LAMC1: variants seen among roughly 807,000 people sequenced by gnomAD.
LAMC1 encodes laminin subunit gamma-1.
Under a neutral mutation model 173.6 loss-of-function variants are expected in LAMC1, and 38 were observed. The observed-to-expected ratio is 0.22, with a 90% CI of 0.17 to 0.29. The LOEUF is 0.29. LAMC1 is among the 10% of genes least tolerant of loss of function. The pLI is 1.00. For synonymous variants in LAMC1, 746 were observed against 749.1 expected (o/e 1.00, Z 0.07); for missense variants, 1,824 against 2,051.8 (o/e 0.89, Z 2.14).
At chr1:183,034,762 G>A (rs991191330) in intron 1 of LAMC1, among the ~76,000 whole-genome samples, 3 of 152,202 alleles carry the variant, frequency 2.0e-5, no homozygotes, top group Admixed American at 6.5e-5. Flanking sequence ...GGTATTATTT[G>A]CCATTCATGG....
intron 1 of LAMC1, among the ~76,000 whole-genome samples, chr1:183,076,184 A>G (rs1254894029): frequency 6.6e-6 from 1 of 152,174 alleles, no homozygotes; most frequent in Non-Finnish European, 1.5e-5. Flanking sequence ...ACCTGTAACT[A>G]TGCCTCCACA....
intron 11 of LAMC1, among the ~76,000 whole-genome samples, chr1:183,121,165 T>A (rs1466779806): frequency 6.6e-6 from 1 of 152,106 alleles, no homozygotes; most frequent in Non-Finnish European, 1.5e-5. Context: ...AAGCCTGTAA[T>A]CCCAGCACTT....
intron 1 of LAMC1, among the ~76,000 whole-genome samples, chr1:183,088,673 A>G (rs1655492915): frequency 6.6e-6 from 1 of 152,252 alleles, no homozygotes; most frequent in African/African-American, 2.4e-5. Context: ...ATAAATACTC[A>G]AGTAGTGAAT....
intron 1 of LAMC1, among the ~76,000 whole-genome samples, chr1:183,088,913 T>C (rs1372056497): frequency 2.0e-5 from 3 of 152,262 alleles, no homozygotes; most frequent in Admixed American, 6.5e-5. Flanking sequence ...AGTTTGGAGA[T>C]AGAAAATGAA....
At chr1:183,122,416 T>A (rs534796707) in intron 13 of LAMC1, among the ~76,000 whole-genome samples, 165 bp downstream of exon 13, 137 of 152,330 alleles carry the variant, frequency 9.0e-4, no homozygotes, top group African/African-American at 3.1e-3. Context: ...CTTCCATCTC[T>A]CTTTTGGGTA....
chr1:183,075,955 A>G (rs1422540281), intron 1 of LAMC1, among the ~76,000 whole-genome samples: 1 of 152,226 alleles, frequency 6.6e-6, no homozygotes, highest in African/African-American at 2.4e-5. Flanking sequence ...GAGAGGAAGA[A>G]TAAGAGCTAT....
Position 183,110,594 on chromosome 1 carries a change from C to G in LAMC1, c.961C>G (p.Pro321Ala), listed in dbSNP as rs142614579. 1 of 1,614,052 alleles carries G rather than the reference C, an allele frequency of 6.2e-7. No individual in the cohort carries two copies. The highest frequency in any genetic ancestry group is 8.5e-7 in the Non-Finnish European group (1 of 1,179,962). The change falls in exon 4 of 28, where the codon CCT becomes GCT. Residue 321 changes from proline to alanine, a missense_variant. By Grantham distance (27) the Pro-to-Ala change is conservative. Coordinates refer to ENST00000258341, the MANE Select transcript of LAMC1 (RefSeq NM_002293.4). Reference sequence around the variant, plus strand: ...TGGAGTAGACTGTGAAAAGTGTCTTCCTTTCTTCAATGACCGGCCGTGGAG... The same window carrying G: ...TGGAGTAGACTGTGAAAAGTGTCTTGCTTTCTTCAATGACCGGCCGTGGAG... ...TYGVDCEKCL[P>A]FFNDRPWRRA...
chr1:183,091,325 A>G (rs1267256313), intron 1 of LAMC1, among the ~76,000 whole-genome samples: 1 of 152,156 alleles, frequency 6.6e-6, no homozygotes, highest in East Asian at 1.9e-4. Context: ...CAGGGTCTCC[A>G]CAATTGCCCA....
intron 19 of LAMC1, 105 bp from the exon 20 acceptor site, chr1:183,131,194 A>G (rs1656775747): frequency 6.0e-6 from 4 of 663,786 alleles, no homozygotes; most frequent in Non-Finnish European, 1.1e-5. Flanking sequence ...AAAAAAAGGT[A>G]GAGGCATTCT....
intron 27 of LAMC1, among the ~76,000 whole-genome samples, chr1:183,141,961 T>C (rs1214404425): frequency 2.0e-5 from 3 of 152,232 alleles, no homozygotes; most frequent in Non-Finnish European, 2.9e-5. Context: ...CAAAAGAACC[T>C]CTTTTTCTTG....
chr1:183,126,196 A>G lies in LAMC1; in HGVS notation c.2878A>G (p.Ile960Val). Reference protein sequence around the residue: ...RTGQCECQPGITGQHCERCEV... With the variant: ...RTGQCECQPGVTGQHCERCEV... The stretch of plus-strand genomic sequence containing the variant: ...CGGCCAGTGTGAGTGCCAGCCCGGC[A>G]TCACTGGTCAGCACTGTGAGCGCTG... Residue 960 changes from isoleucine to valine, a missense_variant, in exon 16 of 28, where the codon ATC (isoleucine) becomes GTC (valine). Coordinates refer to ENST00000258341, the MANE Select transcript of LAMC1 (RefSeq NM_002293.4). 6.2e-7 allele frequency: 1 copy of G among 1,614,204 alleles called. No individual in the cohort carries two copies.
rs1276174626 is a variant in LAMC1 at position 183,027,974 on chromosome 1, GA to G, written c.418+3842del. 4.6e-5 allele frequency among the ~76,000 whole-genome samples: 7 copies of G among 152,296 alleles called. No homozygotes were observed. The South Asian group carries it at 1.2e-3, about 27-fold the overall frequency. On this transcript the variant is annotated intron_variant, in intron 1 of 27. Coordinates refer to ENST00000258341, the MANE Select transcript of LAMC1 (RefSeq NM_002293.4). ...TTACATTTTGCAGGTTTCAACTTGA[GA>G]AGTTAAGGAGCTCTTCCTTAATGGC...
At chr1:183,113,175 A>G (rs1225605815) in intron 4 of LAMC1, among the ~76,000 whole-genome samples, 2 of 152,142 alleles carry the variant, frequency 1.3e-5, no homozygotes, top group African/African-American at 4.8e-5. Context: ...TTAGCTGAGT[A>G]TAGTGGCACA....
At chr1:183,040,606 A>G (rs1230495253) in intron 1 of LAMC1, among the ~76,000 whole-genome samples, 1 of 152,134 alleles carries the variant, frequency 6.6e-6, no homozygotes, top group Non-Finnish European at 1.5e-5. Flanking sequence ...AAAAGAGGAG[A>G]GAGGCTCTGC....
rs1657202899 is a variant in LAMC1 at position 183,144,474 on chromosome 1, C to T, written c.*1684C>T. The T allele has an allele frequency of 6.6e-6, 1 of 152,458 alleles. No individual in the cohort carries two copies. Among genetic ancestry groups the T allele is most frequent in the African/African-American group, 2.4e-5 (1 of 41,390 alleles). The allele number at this position is 152,458 out of a possible 1,614,324, so 9.4% of individuals were successfully genotyped here. A position where few individuals can be genotyped will look rare whatever the true frequency, so the allele number is the denominator to read the frequency against. On this transcript the variant is annotated 3_prime_UTR_variant, in exon 28 of 28. Coordinates refer to ENST00000258341, the MANE Select transcript of LAMC1 (RefSeq NM_002293.4). ...TTGGATTGTACTCCAAAGAATTGTG[C>T]CTTGTGTTTGCAGCATCTCCATTCT...
chr1:183,130,678 A>G (rs1656759924), intron 19 of LAMC1, 129 bp downstream of exon 19: 2 of 712,160 alleles, frequency 2.8e-6, no homozygotes, highest in Non-Finnish European at 2.4e-6. Flanking sequence ...GTCCCTAAAT[A>G]TGGGGCAGAA....
At position 183,122,890 on chromosome 1, in the gene LAMC1, G is replaced by A. The variant is rs555245947; in HGVS notation, c.2401+639G>A. 1.1e-4 allele frequency among the ~76,000 whole-genome samples: 17 copies of A among 152,150 alleles called. No individual in the cohort carries two copies. In the South Asian group the frequency reaches 3.5e-3, roughly 32 times the overall value. ...CTCCAAACAGCTCTTTTTGCCTTTAGGTTCTGCTAGCTGCCCCACCCACCA... is the reference window on the plus strand; with the variant it reads ...CTCCAAACAGCTCTTTTTGCCTTTAAGTTCTGCTAGCTGCCCCACCCACCA... On this transcript the variant is annotated intron_variant, in intron 13 of 27. Transcript: ENST00000258341.
intron 16 of LAMC1, 116 bp from the exon 17 acceptor site, chr1:183,127,110 A>G (rs1656639581): frequency 1.1e-6 from 1 of 922,684 alleles, no homozygotes; most frequent in Non-Finnish European, 1.5e-6. Context: ...CCTGTTTTTC[A>G]AAAAAATTAT....
intron 1 of LAMC1, among the ~76,000 whole-genome samples, chr1:183,054,916 G>T (rs1014232306): frequency 6.6e-6 from 1 of 151,564 alleles, no homozygotes; most frequent in South Asian, 2.1e-4. Flanking sequence ...AGGATTCCTT[G>T]TTCTTGGTGC....
Sources: gnomAD v4.1 joint callset for allele counts (sites outside exome capture counted in the v4.1 genomes callset) on GRCh38, gnomAD v4.1.1 for gene constraint, MANE v1.5 for transcripts, NCBI Gene and HGNC (gene_info 2026-07-23, HGNC 2026-07-21) for gene names.